Variants in OLFML2B observed in about 807,000 individuals in gnomAD.
The protein encoded by OLFML2B is olfactomedin-like protein 2B.
OLFML2B carries 57 observed loss-of-function variants against 74.9 expected under a neutral mutation model. The observed-to-expected ratio is 0.76, with a 90% CI of 0.61 to 0.95. OLFML2B has a LOEUF of 0.95. Among genes scored for constraint, OLFML2B ranks in the 40% least tolerant of loss-of-function variants. The probability of loss-of-function intolerance (pLI) is 0.00; values close to 1 mark genes in which losing one functional copy is unlikely to be tolerated. For missense variants in OLFML2B, 986 were observed against 970.6 expected (o/e 1.02, Z -0.21); for synonymous variants, 388 against 405.8 (o/e 0.96, Z 0.53).
At position 161,994,733 on chromosome 1, in the gene OLFML2B, C is replaced by T. The variant is rs77464565; in HGVS notation, c.1474+3092G>A. 1.4e-3 allele frequency among the ~76,000 whole-genome samples: 212 copies of T among 152,292 alleles called. 6 individuals are homozygous for T. The East Asian group carries it at 0.032, about 23-fold the overall frequency. On this transcript the variant is annotated intron_variant, in intron 6 of 7. Coordinates refer to ENST00000294794, the MANE Select transcript of OLFML2B (RefSeq NM_015441.3). The stretch of plus-strand genomic sequence containing the variant: ...CTCTCCCTGTCCTAGAGCTACACTA[C>T]GGCCAAATGTTTCGTTTGCACAGCC...
At chr1:161,997,582 T>C (rs985207159) in intron 6 of OLFML2B, among the ~76,000 whole-genome samples, 1 of 152,168 alleles carries the variant, frequency 6.6e-6, no homozygotes, top group Non-Finnish European at 1.5e-5. Flanking sequence ...TGAAGCCAAA[T>C]CTTGACTCCA....
chr1:162,012,117 C>T lies in OLFML2B; in HGVS notation c.546+5283G>A, dbSNP rs1690407575. Among the ~76,000 whole-genome samples, 8 of 152,204 alleles carry T rather than the reference C, an allele frequency of 5.3e-5. No homozygotes were observed. In the South Asian group the frequency reaches 8.3e-4, roughly 16 times the overall value. On this transcript the variant is annotated intron_variant, in intron 3 of 7. Coordinates refer to ENST00000294794, the MANE Select transcript of OLFML2B (RefSeq NM_015441.3). ...ACGTATAAGGACACTGAAGTCAGGC[C>T]GGGTAAGCAGTGCCCCTCTCCAAGC... is the stretch of plus-strand genomic sequence containing the variant.
intron 1 of OLFML2B, among the ~76,000 whole-genome samples, chr1:162,020,418 G>T (rs1225243830): frequency 6.6e-6 from 1 of 152,140 alleles, no homozygotes; most frequent in Non-Finnish European, 1.5e-5. Flanking sequence ...TTTCTCATGG[G>T]GCCTTAGCCT....
intron 3 of OLFML2B, among the ~76,000 whole-genome samples, chr1:162,009,569 A>C (rs1690317823): frequency 6.6e-6 from 1 of 152,214 alleles, no homozygotes; most frequent in Admixed American, 6.5e-5. Context: ...GCATTTCCAC[A>C]GATGAGGGTT....
intron 4 of OLFML2B, among the ~76,000 whole-genome samples, chr1:162,005,634 G>A (rs562752358): frequency 5.9e-5 from 9 of 152,196 alleles, no homozygotes; most frequent in South Asian, 2.1e-4. Context: ...GCCCACGCCT[G>A]TCATCCCAGT....
In OLFML2B at chr1:162,023,217, T is replaced by C. The variant is rs565503617; in HGVS notation, c.174+40A>G. On this transcript the variant is annotated intron_variant, in intron 1 of 7. Transcript: ENST00000294794. ...GACCAGCTTCTGGCTCTCACCACCA[T>C]CCAGGGCAAGAAGGGCGGTCGTGGC... 4.4e-4 allele frequency: 643 copies of C among 1,457,482 alleles called. 6 individuals are homozygous for C. The South Asian group carries it at 8.6e-3, about 20-fold the overall frequency. 90.3% of individuals were successfully genotyped at this position (1,457,482 alleles called of 1,614,324 possible).
chr1:162,010,412 G>A (rs558878904), intron 3 of OLFML2B, among the ~76,000 whole-genome samples: 7 of 152,328 alleles, frequency 4.6e-5, no homozygotes, highest in South Asian at 2.1e-4. Context: ...GGAAGAGAAC[G>A]TGCAAACAAG....
rs868573686 is a variant in OLFML2B at position 161,983,929 on chromosome 1, C to T, written c.1999G>A (p.Gly667Arg). ...STQKETTWRT[G>R]LRRNFYGNCF... ...TTGCCGTAGAAATTCCTCCGGAGCC[C>T]CGTGCGCCATGTGGTCTCCTTCTGT... The change falls in exon 8 of 8, where the codon GGG (glycine) becomes AGG (arginine). Residue 667 changes from glycine (G) to arginine (R), a missense_variant. Transcript: ENST00000294794. 6.2e-7 allele frequency: 1 copy of T among 1,614,200 alleles called. No individual in the cohort carries two copies. Among genetic ancestry groups the T allele is most frequent in the Non-Finnish European group, 8.5e-7 (1 of 1,180,028 alleles).
At position 161,983,564 on chromosome 1, in the gene OLFML2B, AT is replaced by A; in HGVS notation, c.*110del. Reference sequence around the variant, plus strand: ...TTTTACATTTGCAATATTATACAAAATAATATATATTTTTAAACAACACATA... The same window carrying A: ...TTTTACATTTGCAATATTATACAAAAAATATATATTTTTAAACAACACATA... On this transcript the variant is annotated 3_prime_UTR_variant, in exon 8 of 8. Transcript: ENST00000294794. The A allele has an allele frequency of 8.3e-7, 1 of 1,199,828 alleles. No individual in the cohort carries two copies. The highest frequency in any genetic ancestry group is 1.2e-6 in the Non-Finnish European group (1 of 867,316). The allele number at this position is 1,199,828 out of a possible 1,614,324, so 74.3% of individuals were successfully genotyped here. A position where few individuals can be genotyped will look rare whatever the true frequency, so the allele number is the denominator to read the frequency against.
At chr1:162,006,518 A>G (rs866627678) in intron 3 of OLFML2B, 45 bp from the exon 4 acceptor site, 1 of 1,470,400 alleles carries the variant, frequency 6.8e-7, no homozygotes, top group African/African-American at 1.4e-5. Context: ...CACCCTGAAG[A>G]CAAGCAGGAG....
At chr1:161,986,298 C>A (rs919397595) in intron 6 of OLFML2B, among the ~76,000 whole-genome samples, 1 of 152,250 alleles carries the variant, frequency 6.6e-6, no homozygotes, top group African/African-American at 2.4e-5. Flanking sequence ...AGGTCACCCT[C>A]ATTTCCAAAC....
rs368291911 is a variant in OLFML2B at position 161,983,923 on chromosome 1, G to A, written c.2005C>T (p.Arg669Trp). Residue 669 changes from arginine to tryptophan, a missense_variant, in exon 8 of 8, where the codon CGG (arginine) becomes TGG (tryptophan). By Grantham distance (101) the Arg-to-Trp change is moderately radical (BLOSUM62 -3). Coordinates refer to ENST00000294794, the MANE Select transcript of OLFML2B (RefSeq NM_015441.3). ...QKETTWRTGL[R>W]RNFYGNCFVI... ...AAGCAGTTGCCGTAGAAATTCCTCC[G>A]GAGCCCCGTGCGCCATGTGGTCTCC... 2.2e-5 allele frequency: 36 copies of A among 1,614,050 alleles called. No individual in the cohort carries two copies. The highest frequency in any genetic ancestry group is 2.7e-5 in the African/African-American group (2 of 74,928).
At chr1:162,014,857 A>G (rs1344037949) in intron 3 of OLFML2B, among the ~76,000 whole-genome samples, 1 of 152,228 alleles carries the variant, frequency 6.6e-6, no homozygotes. Context: ...GGATAGAGTC[A>G]CAGTTCTGCC....
At chr1:162,019,804 G>C (rs1287675965) in intron 2 of OLFML2B, 115 bp downstream of exon 2, 1 of 1,314,430 alleles carries the variant, frequency 7.6e-7, no homozygotes, top group Non-Finnish European at 1.0e-6. Flanking sequence ...CAGCACTCTA[G>C]GGAACAGGCC....
chr1:162,005,410 T>C (rs1370219372), intron 4 of OLFML2B, among the ~76,000 whole-genome samples: 1 of 152,208 alleles, frequency 6.6e-6, no homozygotes, highest in Non-Finnish European at 1.5e-5. Context: ...GCTGGATCTG[T>C]TTCCTTATCT....
At position 162,023,490 on chromosome 1, in the gene OLFML2B, G is replaced by C; in HGVS notation, c.-60C>G. On this transcript the variant is annotated 5_prime_UTR_variant, in exon 1 of 8. Coordinates refer to ENST00000294794, the MANE Select transcript of OLFML2B (RefSeq NM_015441.3). Reference sequence around the variant, plus strand: ...GAGAATGGCTGGGGCGGGGGGTCTCGGCAAGGACTTCTGCGAGAGGGTGTC... The same window carrying C: ...GAGAATGGCTGGGGCGGGGGGTCTCCGCAAGGACTTCTGCGAGAGGGTGTC... 1.4e-6 allele frequency: 2 copies of C among 1,388,196 alleles called. No homozygotes were observed. The highest frequency in any genetic ancestry group is 1.9e-4 in the Middle Eastern group (1 of 5,160). 86.0% of individuals were successfully genotyped at this position (1,388,196 alleles called of 1,614,324 possible).
At chr1:161,996,850 T>C (rs1249785394) in intron 6 of OLFML2B, among the ~76,000 whole-genome samples, 1 of 152,202 alleles carries the variant, frequency 6.6e-6, no homozygotes. Flanking sequence ...GAGGCTTCCC[T>C]TCTCTGCTTA....
At chr1:162,023,101 C>T (rs1204699085) in intron 1 of OLFML2B, among the ~76,000 whole-genome samples, 156 bp downstream of exon 1, 3 of 152,142 alleles carry the variant, frequency 2.0e-5, no homozygotes, top group African/African-American at 7.2e-5. Context: ...TATATCCTTC[C>T]ATTAAGAAAA....
intron 4 of OLFML2B, among the ~76,000 whole-genome samples, chr1:162,005,750 A>T (rs1320076884): frequency 6.6e-6 from 1 of 151,990 alleles, no homozygotes; most frequent in Non-Finnish European, 1.5e-5. Context: ...AAAATAAAAA[A>T]ATTTTATTAC....
Sources: allele counts gnomAD v4.1 joint callset (sites outside exome capture counted in the v4.1 genomes callset), GRCh38; gene constraint gnomAD v4.1.1; transcripts MANE v1.5; gene names NCBI Gene and HGNC (gene_info 2026-07-23, HGNC 2026-07-21).